The following MTUS2 variants were observed in gnomAD, a reference collection of about 807,000 sequenced individuals.
The protein encoded by MTUS2 is microtubule-associated tumor suppressor candidate 2.
Under a neutral mutation model 114.1 loss-of-function variants are expected in MTUS2, and 40 were observed. The ratio of observed to expected loss-of-function variants is 0.35; its 90% CI spans 0.27 to 0.46. MTUS2 has a LOEUF of 0.46. Ranked by LOEUF, MTUS2 falls within the 20% of genes least tolerant of loss-of-function variation. MTUS2 has a pLI of 1.00. For missense variants in MTUS2, 1,679 were observed against 1,705.4 expected (o/e 0.98, Z 0.27); for synonymous variants, 688 against 672.0 (o/e 1.02, Z -0.37).
chr13:29,219,083 T>G (rs1244043631), intron 5 of MTUS2, among the ~76,000 whole-genome samples: 1 of 148,668 alleles, frequency 6.7e-6, no homozygotes, highest in Admixed American at 6.7e-5. Context: ...TAACTCGTCA[T>G]CTAGCATTAG....
In MTUS2 at chr13:29,041,040, G is replaced by A. The variant is rs550043660; in HGVS notation, c.2446+6915G>A. On this transcript the variant is annotated intron_variant, in intron 4 of 15. Coordinates refer to ENST00000612955, the MANE Select transcript of MTUS2 (RefSeq NM_001033602.4). ...TCATAAAATCCTTGCCTACGATAATGTCTAGAAGGGTTTTTCCGATGTTAT... is the reference window on the plus strand; with the variant it reads ...TCATAAAATCCTTGCCTACGATAATATCTAGAAGGGTTTTTCCGATGTTAT... Among the ~76,000 whole-genome samples the A allele has an allele frequency of 7.2e-5, 11 of 152,216 alleles. No homozygotes were observed. The East Asian group carries it at 1.9e-3, about 27-fold the overall frequency.
intron 9 of MTUS2, among the ~76,000 whole-genome samples, chr13:29,440,273 G>C (rs1292745298): frequency 6.6e-6 from 1 of 152,124 alleles, no homozygotes; most frequent in Non-Finnish European, 1.5e-5. Flanking sequence ...GTTCACAGTG[G>C]AACTCATCAG....
At chr13:29,284,057 C>A (rs569698500) in intron 6 of MTUS2, among the ~76,000 whole-genome samples, 3 of 152,084 alleles carry the variant, frequency 2.0e-5, no homozygotes, top group Non-Finnish European at 4.4e-5. Context: ...AGTCTCACAC[C>A]GAGGAGTCTT....
intron 7 of MTUS2, among the ~76,000 whole-genome samples, chr13:29,331,900 G>C (rs1451895933): frequency 3.9e-5 from 6 of 152,158 alleles, no homozygotes; most frequent in Non-Finnish European, 8.8e-5. Flanking sequence ...TGCATCCTAG[G>C]GATAAAGCCG....
chr13:29,385,068 A>C (rs1392958117), intron 8 of MTUS2, among the ~76,000 whole-genome samples: 2 of 152,196 alleles, frequency 1.3e-5, no homozygotes, highest in Non-Finnish European at 2.9e-5. Flanking sequence ...TGGGCTCCAG[A>C]GTTCAGCAGG....
chr13:29,451,190 C>T (rs1878660005), intron 9 of MTUS2, among the ~76,000 whole-genome samples: 1 of 151,980 alleles, frequency 6.6e-6, no homozygotes, highest in Admixed American at 6.6e-5. Flanking sequence ...ATATTCTGAG[C>T]CATAAAACAA....
At chr13:28,995,896 C>T (rs1374421159) in intron 2 of MTUS2, among the ~76,000 whole-genome samples, 9 of 152,130 alleles carry the variant, frequency 5.9e-5, no homozygotes. Flanking sequence ...ATTTCCTTCT[C>T]CTGCCTGATT....
chr13:29,418,552 A>C (rs1251153041), intron 8 of MTUS2, among the ~76,000 whole-genome samples: 1 of 152,170 alleles, frequency 6.6e-6, no homozygotes, highest in Non-Finnish European at 1.5e-5. Context: ...CATAAGTTAG[A>C]TTATTCAGAT....
intron 5 of MTUS2, among the ~76,000 whole-genome samples, chr13:29,197,524 A>G (rs1455892537): frequency 6.6e-6 from 1 of 152,192 alleles, no homozygotes. Context: ...TGCAGCAATA[A>G]ACATACGTGT....
intron 5 of MTUS2, among the ~76,000 whole-genome samples, chr13:29,270,949 A>T (rs1897861457): frequency 1.3e-5 from 2 of 152,168 alleles, no homozygotes; most frequent in African/African-American, 4.8e-5. Flanking sequence ...GTCCCTTGTA[A>T]ATGTTATTGA....
At chr13:28,907,566 A>G (rs1344492873) in intron 2 of MTUS2, among the ~76,000 whole-genome samples, 1 of 151,496 alleles carries the variant, frequency 6.6e-6, no homozygotes, top group East Asian at 1.9e-4. Context: ...AGATCTGCCA[A>G]GCAAATGGAA....
chr13:28,916,388 A>G (rs1460427995), intron 2 of MTUS2, among the ~76,000 whole-genome samples: 3 of 151,950 alleles, frequency 2.0e-5, no homozygotes, highest in Admixed American at 1.3e-4. Flanking sequence ...TGCTTTGGGT[A>G]GTATGGGCAT....
At chr13:28,889,214 G>GA (rs1194767442) in intron 2 of MTUS2, among the ~76,000 whole-genome samples, 10 of 151,714 alleles carry the variant, frequency 6.6e-5, no homozygotes, top group East Asian at 3.9e-4. Context: ...GCAGGCTTCA[G>GA]AAAAAAAAGA....
intron 7 of MTUS2, among the ~76,000 whole-genome samples, chr13:29,346,718 C>A (rs1205109914): frequency 5.5e-5 from 8 of 144,770 alleles, no homozygotes; most frequent in Non-Finnish European, 7.4e-5. Flanking sequence ...TTTCAAAGTT[C>A]AGCTGGAATT....
At chr13:28,891,656 G>A (rs547781513) in intron 2 of MTUS2, among the ~76,000 whole-genome samples, 1 of 151,930 alleles carries the variant, frequency 6.6e-6, no homozygotes, top group Admixed American at 6.5e-5. Context: ...GAGGTGGGCG[G>A]ATCTTGAGAT....
chr13:29,383,244 G>GTATATATATATATATATATATATTTATT (rs1295576309), intron 8 of MTUS2, among the ~76,000 whole-genome samples: 3 of 53,448 alleles, frequency 5.6e-5, no homozygotes, highest in African/African-American at 1.3e-4. Flanking sequence ...GTGTGTGTGT[G>GTATATATATATATATATATATATTTATT]TGTGTGTGTA....
At chr13:29,352,911 A>G (rs566103170) in intron 7 of MTUS2, among the ~76,000 whole-genome samples, 2 of 152,184 alleles carry the variant, frequency 1.3e-5, no homozygotes, top group African/African-American at 4.8e-5. Context: ...TACAGTTCTT[A>G]TTTAGGTCTT....
intron 10 of MTUS2, among the ~76,000 whole-genome samples, chr13:29,486,566 G>GT (rs1378428247): frequency 1.3e-5 from 2 of 152,174 alleles, no homozygotes; most frequent in Non-Finnish European, 2.9e-5. Context: ...GGCCACCAAG[G>GT]AGCTTCAAGA....
chr13:29,262,603 T>A (rs1897518799), intron 5 of MTUS2, among the ~76,000 whole-genome samples: 1 of 151,572 alleles, frequency 6.6e-6, no homozygotes, highest in Non-Finnish European at 1.5e-5. Context: ...GAAGGAATTA[T>A]GACTAGCTCT....
Sources: allele counts gnomAD v4.1 joint callset (sites outside exome capture counted in the v4.1 genomes callset), GRCh38; gene constraint gnomAD v4.1.1; transcripts MANE v1.5; gene names NCBI Gene and HGNC (gene_info 2026-07-23, HGNC 2026-07-21).